PTGER3: variants seen among roughly 807,000 people sequenced by gnomAD.
The protein encoded by PTGER3 is prostaglandin E receptor 3.
Under a neutral mutation model 34.7 loss-of-function variants are expected in PTGER3, and 22 were observed. The observed-to-expected ratio is 0.63, with a 90% confidence interval of 0.45 to 0.91. The LOEUF is 0.91. PTGER3 is among the 40% of genes least tolerant of loss of function. The pLI is 0.00. For synonymous variants in PTGER3, 241 were observed against 230.1 expected, an observed-to-expected ratio of 1.05 and a Z score of -0.43; for missense variants, 468 against 519.4, an observed-to-expected ratio of 0.90 and a Z score of 0.96.
At chr1:70,870,251 C>G (rs1014595030) in intron 4 of PTGER3, among the ~76,000 whole-genome samples, 4 of 152,178 alleles carry the variant, frequency 2.6e-5, no homozygotes, top group African/African-American at 7.2e-5. Context: ...GCTGGAGCAG[C>G]CAGGATGCAA....
At chr1:70,909,222 C>A (rs754304392) in intron 4 of PTGER3, among the ~76,000 whole-genome samples, 1 of 152,110 alleles carries the variant, frequency 6.6e-6, no homozygotes, top group Non-Finnish European at 1.5e-5. Flanking sequence ...GTGCAAAACA[C>A]CAAATTACAC....
intron 2 of PTGER3, among the ~76,000 whole-genome samples, chr1:70,958,499 A>G (rs936374256): frequency 6.6e-6 from 1 of 152,116 alleles, no homozygotes; most frequent in Non-Finnish European, 1.5e-5. Context: ...ATGTCTATTC[A>G]GGTCTTTTGC....
At chr1:70,923,601 C>T (rs569414196) in intron 4 of PTGER3, among the ~76,000 whole-genome samples, 1 of 152,318 alleles carries the variant, frequency 6.6e-6, no homozygotes, top group African/African-American at 2.4e-5. Context: ...CAGAAGTTAA[C>T]TGCATGGACT....
In PTGER3 at chr1:71,046,774, C is replaced by T. The variant is rs776344448; in HGVS notation, c.804G>A (p.Gln268=). The change falls in exon 1 of 4, where the codon CAG becomes CAA. Residue 268 remains glutamine, a synonymous_variant. Coordinates refer to ENST00000306666, the MANE Select transcript of PTGER3 (RefSeq NM_198719.2). ...TGATGCGGCCCCACTGGGCACTGGACTGAGATGCCGTGGCCTTGGCCCGGC... is the reference window on the plus strand; with the variant it reads ...TGATGCGGCCCCACTGGGCACTGGATTGAGATGCCGTGGCCTTGGCCCGGC... ...SRCRAKATAS[Q]SSAQWGRITT... 41 of 1,613,902 alleles carry T rather than the reference C, an allele frequency of 2.5e-5. No individual in the cohort carries two copies. Among genetic ancestry groups the T allele is most frequent in the Non-Finnish European group, 2.7e-5 (32 of 1,180,048 alleles).
At chr1:70,957,321 C>T (rs891245092) in intron 2 of PTGER3, among the ~76,000 whole-genome samples, 2 of 152,168 alleles carry the variant, frequency 1.3e-5, no homozygotes, top group Admixed American at 1.3e-4. Context: ...GTGAAGTCAA[C>T]CTGAGTTGAT....
intron 1 of PTGER3, among the ~76,000 whole-genome samples, chr1:71,029,763 T>C (rs1235901932): frequency 6.6e-6 from 1 of 151,890 alleles, no homozygotes; most frequent in Non-Finnish European, 1.5e-5. Flanking sequence ...CCATCTGTAC[T>C]AAACATACAA....
intron 4 of PTGER3, among the ~76,000 whole-genome samples, chr1:70,911,601 C>CA (rs1306647419): frequency 6.6e-6 from 1 of 151,612 alleles, no homozygotes; most frequent in African/African-American, 2.4e-5. Flanking sequence ...TGGGAGAAGA[C>CA]AAAAAATGTA....
chr1:70,960,321 G>A (rs1414113280), intron 2 of PTGER3, among the ~76,000 whole-genome samples: 1 of 152,142 alleles, frequency 6.6e-6, no homozygotes, highest in Non-Finnish European at 1.5e-5. Context: ...TAGCTGATTA[G>A]TGACTCCCTT....
chr1:71,014,925 A>G (rs1572935331), intron 1 of PTGER3, among the ~76,000 whole-genome samples: 1 of 152,170 alleles, frequency 6.6e-6, no homozygotes, highest in Non-Finnish European at 1.5e-5. Flanking sequence ...CCCATTGTCC[A>G]TCGAACAGAA....
rs933758902 is a variant in PTGER3 at position 70,983,635 on chromosome 1, G to A, written c.1078-9247C>T. On this transcript the variant is annotated intron_variant, in intron 2 of 3. Transcript: ENST00000306666. ...TTAGAAGCTCTTTATATGTCAAAGG[G>A]AGATATTTTTTTCTTTAAGCCTGGT... 1.1e-4 allele frequency among the ~76,000 whole-genome samples: 16 copies of A among 152,140 alleles called. 1 individual carries two copies. Among genetic ancestry groups the A allele is most frequent in the African/African-American group, 3.9e-4 (16 of 41,428 alleles).
intron 1 of PTGER3, among the ~76,000 whole-genome samples, chr1:71,036,418 G>A (rs1659827530): frequency 6.6e-6 from 1 of 152,204 alleles, no homozygotes; most frequent in Admixed American, 6.5e-5. Flanking sequence ...TGCAGAGGCT[G>A]AGGCTGGAGG....
downstream of PTGER3, among the ~76,000 whole-genome samples, chr1:70,949,557 G>T (rs749567864): frequency 6.6e-6 from 1 of 152,154 alleles, no homozygotes; most frequent in Non-Finnish European, 1.5e-5. Flanking sequence ...GATGGATTTT[G>T]TAAGCCTTGT....
intron 2 of PTGER3, among the ~76,000 whole-genome samples, chr1:70,959,260 A>C (rs900504832): frequency 2.0e-5 from 3 of 152,174 alleles, no homozygotes; most frequent in African/African-American, 7.2e-5. Context: ...ATTGCATTGA[A>C]TCTGTAGATT....
At chr1:70,855,776 A>G (rs1645788476) in intron 4 of PTGER3, among the ~76,000 whole-genome samples, 1 of 152,202 alleles carries the variant, frequency 6.6e-6, no homozygotes, top group South Asian at 2.1e-4. Flanking sequence ...CTGGCAACAT[A>G]GAACCTTAAG....
At chr1:71,005,842 T>C (rs1478137013) in intron 2 of PTGER3, 1 of 956,184 alleles carries the variant, frequency 1.0e-6, no homozygotes, top group Non-Finnish European at 1.2e-6. Flanking sequence ...GGGTGAGCCA[T>C]AGCCATAGTA....
chr1:70,959,604 G>A (rs186447924), intron 2 of PTGER3, among the ~76,000 whole-genome samples: 9 of 152,078 alleles, frequency 5.9e-5, no homozygotes, highest in Non-Finnish European at 8.8e-5. Context: ...CGAATGATCC[G>A]TCTGCCACAG....
intron 2 of PTGER3, among the ~76,000 whole-genome samples, chr1:70,959,572 G>A (rs944819718): frequency 3.3e-5 from 5 of 152,074 alleles, no homozygotes; most frequent in African/African-American, 9.7e-5. Flanking sequence ...TATTGGCGAG[G>A]CTGGTTTTGA....
At chr1:71,022,835 C>T (rs974658313) in intron 1 of PTGER3, among the ~76,000 whole-genome samples, 26 of 151,736 alleles carry the variant, frequency 1.7e-4, no homozygotes, top group Non-Finnish European at 2.9e-5. Context: ...CCATTCTTTC[C>T]TTCCTCTTAT....
chr1:70,937,270 T>C (rs1347659301), intron 4 of PTGER3, among the ~76,000 whole-genome samples: 1 of 152,228 alleles, frequency 6.6e-6, no homozygotes, highest in Non-Finnish European at 1.5e-5. Context: ...ATGTGGTTTT[T>C]ATTTTGTGTT....
Sources: gnomAD v4.1 joint callset for allele counts (sites outside exome capture counted in the v4.1 genomes callset) on GRCh38, gnomAD v4.1.1 for gene constraint, MANE v1.5 for transcripts, NCBI Gene and HGNC (gene_info 2026-07-23, HGNC 2026-07-21) for gene names.